The following EPB41L3 variants were observed in gnomAD, a reference collection of about 807,000 sequenced individuals.
The protein encoded by EPB41L3 is erythrocyte membrane protein band 4.1 like 3.
In EPB41L3, 57 loss-of-function variants were observed where a neutral mutation model predicts 127.1. That is an observed-to-expected ratio of 0.45 (90% confidence interval 0.36 to 0.56). The LOEUF is 0.56. EPB41L3 is among the 20% of genes least tolerant of loss of function. The pLI is 0.00. For synonymous variants in EPB41L3, 572 were observed against 549.5 expected (o/e 1.04, Z -0.57); for missense variants, 1,273 against 1,372.2 (o/e 0.93, Z 1.14).
At chr18:5,485,892 T>C (rs1396939905) in intron 2 of EPB41L3, among the ~76,000 whole-genome samples, 1 of 152,064 alleles carries the variant, frequency 6.6e-6, no homozygotes, top group Non-Finnish European at 1.5e-5. Context: ...GACTTAATAC[T>C]GTTAAAATGG....
intron 3 of EPB41L3, among the ~76,000 whole-genome samples, chr18:5,586,724 G>A (rs1391071463): frequency 1.3e-5 from 2 of 151,846 alleles, no homozygotes; most frequent in African/African-American, 4.8e-5. Context: ...TTCTGTGTGT[G>A]GTATTATTTA....
intron 3 of EPB41L3, among the ~76,000 whole-genome samples, chr18:5,466,113 T>C (rs904267318): frequency 6.6e-6 from 1 of 152,226 alleles, no homozygotes; most frequent in African/African-American, 2.4e-5. Context: ...GCAAACAACA[T>C]TGGACTGAAA....
intron 1 of EPB41L3, among the ~76,000 whole-genome samples, chr18:5,517,689 C>T (rs769037044): frequency 1.3e-5 from 2 of 152,268 alleles, no homozygotes; most frequent in East Asian, 1.9e-4. Context: ...CTTCCTCCCT[C>T]GACCTCCCAA....
At chr18:5,421,511 C>T (rs1047131813) in intron 11 of EPB41L3, among the ~76,000 whole-genome samples, 3 of 152,098 alleles carry the variant, frequency 2.0e-5, no homozygotes, top group African/African-American at 7.2e-5. Context: ...GCTCTAAGTT[C>T]GGTATTCTGG....
intron 3 of EPB41L3, among the ~76,000 whole-genome samples, chr18:5,556,956 C>A (rs1453416409): frequency 6.6e-6 from 1 of 152,200 alleles, no homozygotes; most frequent in African/African-American, 2.4e-5. Flanking sequence ...CATGGCCACT[C>A]TCTCTCTGCC....
In EPB41L3 at chr18:5,543,138, G is replaced by A. The variant is rs1287656293; in HGVS notation, c.-12+775C>T. On this transcript the variant is annotated intron_variant, in intron 1 of 22. Coordinates refer to ENST00000341928, the MANE Select transcript of EPB41L3 (RefSeq NM_012307.5). This position sits in a 1 kb window ranked among gnomAD's most constrained non-coding sequence, Gnocchi z 5.2. The stretch of plus-strand genomic sequence containing the variant: ...CCGGCCCGCCCGTGCTCCCGCGCCC[G>A]GGTGCCAGAGGCGAGGGGCCCCGGC... Among the ~76,000 whole-genome samples, 15 of 151,380 alleles carry A rather than the reference G, an allele frequency of 9.9e-5. No homozygotes were observed. In the South Asian group the frequency reaches 3.1e-3, roughly 31 times the overall value.
chr18:5,489,113 C>G lies in EPB41L3; in HGVS notation c.71G>C (p.Gly24Ala), dbSNP rs762937199. ...DQEAEPQEAAGAQGRAGAPVP... is the reference protein window; with the variant it reads ...DQEAEPQEAAAAQGRAGAPVP... ...GGGCGCCCCCGCGCGCCCCTGCGCC[C>G]CCGCCGCCTCCTGGGGCTCGGCCTC... The change falls in exon 2 of 23, where the codon GGG becomes GCG. Residue 24 changes from glycine to alanine, a missense_variant. Physicochemically the swap from Gly to Ala is moderately conservative, Grantham distance 60 (BLOSUM62 0). Transcript: ENST00000341928. 6.3e-7 allele frequency: 1 copy of G among 1,594,794 alleles called. No individual in the cohort carries two copies. The highest frequency in any genetic ancestry group is 8.5e-7 in the Non-Finnish European group (1 of 1,174,832).
intron 1 of EPB41L3, among the ~76,000 whole-genome samples, chr18:5,491,776 G>C (rs1257993363): frequency 1.3e-5 from 2 of 152,068 alleles, no homozygotes; most frequent in Admixed American, 6.5e-5. Flanking sequence ...AACTGTCAAG[G>C]CTACTGAGAG....
intron 3 of EPB41L3, among the ~76,000 whole-genome samples, chr18:5,565,095 G>T (rs12454208): frequency 0.98 from 149,478 of 152,238 alleles, 73,447 homozygotes; most frequent in Middle Eastern, 1. Flanking sequence ...TGTCTAGTTT[G>T]AAGAGACTCA....
intron 3 of EPB41L3, among the ~76,000 whole-genome samples, chr18:5,464,429 C>T (rs1490395546): frequency 6.6e-6 from 1 of 152,148 alleles, no homozygotes; most frequent in Non-Finnish European, 1.5e-5. Context: ...GTTTCAAAAT[C>T]TGGCCCCTAA....
rs1424543380 is a variant in EPB41L3, at chr18:5,410,675, C to A, written c.2068-56G>T. On this transcript the variant is annotated intron_variant, in intron 13 of 22. Coordinates refer to ENST00000341928, the MANE Select transcript of EPB41L3 (RefSeq NM_012307.5). Reference sequence around the variant, plus strand: ...GAGGAAGGCAGGGACAGAAAGTAAACCATCTGGTTAAACACGCTCTGGCAC... The same window carrying A: ...GAGGAAGGCAGGGACAGAAAGTAAAACATCTGGTTAAACACGCTCTGGCAC... 8 of 1,484,452 alleles carry A rather than the reference C, an allele frequency of 5.4e-6. No homozygotes were observed. In the East Asian group the frequency reaches 1.1e-4, roughly 21 times the overall value. The allele number at this position is 1,484,452 out of a possible 1,614,324, so 92.0% of individuals were successfully genotyped here.
At chr18:5,412,204 GTT>G (rs2076281128) in intron 13 of EPB41L3, among the ~76,000 whole-genome samples, 1 of 152,082 alleles carries the variant, frequency 6.6e-6, no homozygotes, top group South Asian at 2.1e-4. Flanking sequence ...TGCACTTAGT[GTT>G]TTATTTTTTT....
chr18:5,437,283 C>T (rs1048182342), intron 6 of EPB41L3, among the ~76,000 whole-genome samples: 2 of 152,182 alleles, frequency 1.3e-5, no homozygotes, highest in Admixed American at 6.5e-5. Context: ...GACCCCCTCA[C>T]CCTTTCACCA....
chr18:5,415,990 A>G lies in EPB41L3; in HGVS notation c.1895T>C (p.Leu632Pro). The change falls in exon 13 of 23, where the codon CTT becomes CCT. Residue 632 changes from leucine to proline, a missense_variant. By Grantham distance (98) the Leu-to-Pro change is moderately conservative. Around this residue, in one of 3 missense-constraint regions of EPB41L3, gnomAD observed 765 missense variants for 782.9 expected, o/e 0.98. Coordinates refer to ENST00000341928, the MANE Select transcript of EPB41L3 (RefSeq NM_012307.5). The part of the protein sequence containing the change: ...QHYLPIRSPS[L>P]VPCFLFIFFF... Reference sequence around the variant, plus strand: ...AAAGATGAAGAGGAAACAGGGCACAAGGGACGGTGAGCGGATCGGGAGGTA... The same window carrying G: ...AAAGATGAAGAGGAAACAGGGCACAGGGGACGGTGAGCGGATCGGGAGGTA... 1 of 1,614,154 alleles carries G rather than the reference A, an allele frequency of 6.2e-7. No homozygotes were observed. Among genetic ancestry groups the G allele is most frequent in the South Asian group, 1.1e-5 (1 of 91,076 alleles).
chr18:5,521,758 T>C (rs1301458605), intron 1 of EPB41L3, among the ~76,000 whole-genome samples: 1 of 152,176 alleles, frequency 6.6e-6, no homozygotes, highest in Non-Finnish European at 1.5e-5. Context: ...GAATATAAGT[T>C]CTACATGGGC....
intron 3 of EPB41L3, among the ~76,000 whole-genome samples, chr18:5,594,435 G>T (rs1425610037): frequency 1.3e-5 from 2 of 152,050 alleles, no homozygotes; most frequent in Non-Finnish European, 2.9e-5. Flanking sequence ...ATTTTAAGAG[G>T]TACATAAGAA....
At position 5,523,148 on chromosome 18, in the gene EPB41L3, C is replaced by A. The variant is rs575843215; in HGVS notation, c.-12+20765G>T. On this transcript the variant is annotated intron_variant, in intron 1 of 22. Transcript: ENST00000341928. ...ACATGCAGTAAGCATCACACAAGGGCCACAAAGTCCCTGAAAACAGTGATT... is the reference window on the plus strand; with the variant it reads ...ACATGCAGTAAGCATCACACAAGGGACACAAAGTCCCTGAAAACAGTGATT... Among the ~76,000 whole-genome samples the A allele has an allele frequency of 2.0e-5, 3 of 152,284 alleles. No individual in the cohort carries two copies. In the South Asian group the frequency reaches 6.2e-4, roughly 32 times the overall value.
intron 2 of EPB41L3, among the ~76,000 whole-genome samples, chr18:5,480,435 C>T (rs1194099876): frequency 6.6e-6 from 1 of 152,150 alleles, no homozygotes; most frequent in African/African-American, 2.4e-5. Flanking sequence ...TTATTACCCT[C>T]ATTTGCATAT....
intron 3 of EPB41L3, among the ~76,000 whole-genome samples, chr18:5,559,908 G>T (rs2094099704): frequency 6.6e-6 from 1 of 152,108 alleles, no homozygotes; most frequent in Non-Finnish European, 1.5e-5. Flanking sequence ...TATGACCTTG[G>T]TTACTACATT....
Sources: gnomAD v4.1 joint callset for allele counts (sites outside exome capture counted in the v4.1 genomes callset) on GRCh38, gnomAD v4.1.1 for gene constraint, gnomAD v4.1.1 regional missense constraint, Gnocchi (gnomAD v3.1) non-coding constraint, MANE v1.5 for transcripts, NCBI Gene and HGNC (gene_info 2026-07-23, HGNC 2026-07-21) for gene names.